Variants in MALRD1 observed in about 807,000 individuals in gnomAD.
The protein encoded by MALRD1 is MAM and LDL receptor class A domain containing 1.
Under a neutral mutation model 242.1 loss-of-function variants are expected in MALRD1, and 247 were observed. The observed-to-expected ratio is 1.02, with a 90% CI of 0.92 to 1.13. MALRD1 has a LOEUF of 1.13. Ranked by LOEUF, MALRD1 falls within the 50% of genes most tolerant of loss-of-function variation. The pLI is 0.00. For missense variants in MALRD1, 2,989 were observed against 2,533.1 expected (o/e 1.18, Z -3.86); for synonymous variants, 995 against 866.6 (o/e 1.15, Z -2.60).
At chr10:19,535,061 T>C (rs138452234) in intron 32 of MALRD1, among the ~76,000 whole-genome samples, 1,618 of 152,196 alleles carry the variant, frequency 0.011, 16 homozygotes, top group Non-Finnish European at 0.016. Flanking sequence ...AACTTTCGTA[T>C]TTTTAGTAGA....
chr10:19,461,313 A>G (rs1354369050), intron 29 of MALRD1, among the ~76,000 whole-genome samples: 1 of 152,174 alleles, frequency 6.6e-6, no homozygotes, highest in Non-Finnish European at 1.5e-5. Flanking sequence ...GTTGATTAAA[A>G]GGTCAGGAAG....
intron 15 of MALRD1, 99 bp from the exon 16 acceptor site, chr10:19,204,209 A>T: frequency 1.3e-6 from 1 of 777,430 alleles, no homozygotes; most frequent in Non-Finnish European, 2.1e-6. Context: ...AATTTCAGTT[A>T]GACAATGATC....
At chr10:19,270,807 A>AC (rs1840192830) in intron 19 of MALRD1, among the ~76,000 whole-genome samples, 21 of 145,138 alleles carry the variant, frequency 1.4e-4, no homozygotes, top group African/African-American at 5.1e-4. Flanking sequence ...TTCAAAGGAT[A>AC]ACACACACAC....
chr10:19,662,429 T>G (rs964603046), intron 36 of MALRD1, among the ~76,000 whole-genome samples: 2 of 152,190 alleles, frequency 1.3e-5, no homozygotes, highest in Non-Finnish European at 2.9e-5. Flanking sequence ...CTCATTCTTT[T>G]ATTCACCATT....
intron 20 of MALRD1, 142 bp from the exon 21 acceptor site, chr10:19,282,877 C>G (rs546988597): frequency 8.8e-6 from 5 of 565,882 alleles, no homozygotes; most frequent in Non-Finnish European, 2.7e-6. Flanking sequence ...AGTGATTTTA[C>G]AAACCATTTG....
chr10:19,592,221 A>T (rs1837827005), intron 33 of MALRD1, among the ~76,000 whole-genome samples: 1 of 152,232 alleles, frequency 6.6e-6, no homozygotes, highest in African/African-American at 2.4e-5. Flanking sequence ...TCTCAGGAAC[A>T]TCCCTGCAAA....
At chr10:19,183,716 A>C (rs1835620172) in intron 14 of MALRD1, among the ~76,000 whole-genome samples, 1 of 152,228 alleles carries the variant, frequency 6.6e-6, no homozygotes, top group African/African-American at 2.4e-5. Flanking sequence ...CATAAATTGC[A>C]ACCAATTTTG....
intron 18 of MALRD1, among the ~76,000 whole-genome samples, chr10:19,235,027 G>T (rs931647073): frequency 6.6e-6 from 1 of 152,118 alleles, no homozygotes; most frequent in Non-Finnish European, 1.5e-5. Flanking sequence ...AGAATGCATG[G>T]TTTATAAAGC....
intron 21 of MALRD1, among the ~76,000 whole-genome samples, chr10:19,302,773 C>G (rs1019499541): frequency 1.3e-5 from 2 of 151,258 alleles, no homozygotes; most frequent in Admixed American, 1.3e-4. Context: ...AATTACAACT[C>G]AAGGCTAATT....
At chr10:19,595,166 A>C (rs539624300) in intron 33 of MALRD1, 28 bp from the exon 34 acceptor site, 19 of 1,533,196 alleles carry the variant, frequency 1.2e-5, no homozygotes, top group African/African-American at 1.2e-4. Flanking sequence ...CCTAATGCCA[A>C]AATAACTTGA....
chr10:19,308,249 G>T (rs913498535), intron 21 of MALRD1, among the ~76,000 whole-genome samples: 6 of 151,222 alleles, frequency 4.0e-5, no homozygotes, highest in Non-Finnish European at 7.4e-5. Flanking sequence ...CAATTGTTTT[G>T]ATTTTATATG....
chr10:19,204,021 G>C (rs1285888202), intron 15 of MALRD1, 141 bp downstream of exon 15: 2 of 1,125,188 alleles, frequency 1.8e-6, no homozygotes, highest in Non-Finnish European at 2.6e-6. Context: ...CAGTTATGCT[G>C]TCTGCATGGA....
At chr10:19,169,069 C>T (rs1564438176) in intron 13 of MALRD1, among the ~76,000 whole-genome samples, 1 of 152,142 alleles carries the variant, frequency 6.6e-6, no homozygotes, top group African/African-American at 2.4e-5. Context: ...AAGCAATAAG[C>T]TTTTAAAAAA....
chr10:19,500,516 A>G (rs879876125), intron 31 of MALRD1, among the ~76,000 whole-genome samples: 46 of 152,362 alleles, frequency 3.0e-4, no homozygotes, highest in Middle Eastern at 3.4e-3. Flanking sequence ...CTTAAATGTA[A>G]CAAATAAAAA....
At chr10:19,132,985 G>A (rs951937370) in intron 8 of MALRD1, among the ~76,000 whole-genome samples, 1 of 151,978 alleles carries the variant, frequency 6.6e-6, no homozygotes, top group South Asian at 2.1e-4. Flanking sequence ...GCCCAGGCTG[G>A]AATGTAGTAC....
intron 28 of MALRD1, among the ~76,000 whole-genome samples, chr10:19,446,123 A>G (rs1018928542): frequency 1.3e-5 from 2 of 152,132 alleles, no homozygotes; most frequent in African/African-American, 4.8e-5. Flanking sequence ...GCCATTTGCT[A>G]AGACCATTGG....
intron 32 of MALRD1, among the ~76,000 whole-genome samples, chr10:19,562,686 G>A (rs1246964191): frequency 1.3e-5 from 2 of 152,116 alleles, no homozygotes; most frequent in African/African-American, 4.8e-5. Context: ...CCCATGGCCT[G>A]TTAGGAACCA....
At chr10:19,566,957 T>C (rs1836283598) in intron 32 of MALRD1, among the ~76,000 whole-genome samples, 1 of 152,166 alleles carries the variant, frequency 6.6e-6, no homozygotes, top group Non-Finnish European at 1.5e-5. Context: ...TCTTTCTGTT[T>C]CCTTATTTCT....
intron 29 of MALRD1, among the ~76,000 whole-genome samples, chr10:19,484,080 A>T (rs572107816): frequency 1.3e-5 from 2 of 152,320 alleles, no homozygotes; most frequent in East Asian, 3.9e-4. Context: ...TTGGGTGCTC[A>T]TGGACATAAA....
Sources: allele counts gnomAD v4.1 joint callset (sites outside exome capture counted in the v4.1 genomes callset), GRCh38; gene constraint gnomAD v4.1.1; transcripts MANE v1.5; gene names NCBI Gene and HGNC (gene_info 2026-07-23, HGNC 2026-07-21).